Variants in CELF4 observed in about 807,000 individuals in gnomAD.
CELF4 encodes the protein CUGBP Elav-like family member 4.
CELF4 carries 18 observed loss-of-function variants against 59.9 expected under a neutral mutation model. The observed-to-expected ratio is 0.30, with a 90% CI of 0.21 to 0.45. CELF4 has a LOEUF of 0.45. CELF4 is among the 20% of genes least tolerant of loss of function. CELF4 has a pLI of 1.00. For missense variants in CELF4, 456 were observed against 689.0 expected (o/e 0.66, Z 3.79); for synonymous variants, 261 against 267.1 (o/e 0.98, Z 0.22).
chr18:37,494,100 G>C (rs1053243344), intron 1 of CELF4, among the ~76,000 whole-genome samples: 3 of 152,192 alleles, frequency 2.0e-5, no homozygotes, highest in African/African-American at 7.2e-5. Context: ...GGACCTAAGT[G>C]GCTCTGGACA....
chr18:37,290,552 G>C (rs1029666378), intron 3 of CELF4, among the ~76,000 whole-genome samples: 4 of 152,132 alleles, frequency 2.6e-5, no homozygotes, highest in African/African-American at 9.7e-5. Flanking sequence ...GCTTGAGCAG[G>C]AGAAAGTGCC....
chr18:37,552,136 C>T (rs1383503198), intron 1 of CELF4, among the ~76,000 whole-genome samples: 1 of 152,232 alleles, frequency 6.6e-6, no homozygotes, highest in Admixed American at 6.5e-5. Context: ...GTTCCCACAT[C>T]CCCCCTCAAC....
At chr18:37,383,643 C>T (rs934087775) in intron 2 of CELF4, among the ~76,000 whole-genome samples, 1 of 152,200 alleles carries the variant, frequency 6.6e-6, no homozygotes, top group Non-Finnish European at 1.5e-5. Flanking sequence ...GTAAACCACT[C>T]CTTTCTTTTC....
chr18:37,392,919 G>C (rs1233533342), intron 2 of CELF4, among the ~76,000 whole-genome samples: 1 of 152,216 alleles, frequency 6.6e-6, no homozygotes, highest in Non-Finnish European at 1.5e-5. Flanking sequence ...TTTATCGGTA[G>C]ATTATCTCCC....
chr18:37,480,418 A>G (rs1465974809), intron 2 of CELF4, among the ~76,000 whole-genome samples: 1 of 152,246 alleles, frequency 6.6e-6, no homozygotes, highest in Non-Finnish European at 1.5e-5. Context: ...AAGAATTAAC[A>G]GCCTCCATAC....
At chr18:37,320,838 G>T (rs184999263) in intron 3 of CELF4, among the ~76,000 whole-genome samples, 19 of 152,296 alleles carry the variant, frequency 1.2e-4, no homozygotes, top group Admixed American at 1.2e-3. Flanking sequence ...CTACCCTATG[G>T]GGCTGGGGAG....
chr18:37,529,681 A>AT (rs989576263), intron 1 of CELF4, among the ~76,000 whole-genome samples: 4 of 152,136 alleles, frequency 2.6e-5, no homozygotes, highest in African/African-American at 9.7e-5. Context: ...CCAGGGAGGA[A>AT]TTTTTTGAGG....
At chr18:37,400,782 C>T (rs1346154455) in intron 2 of CELF4, among the ~76,000 whole-genome samples, 2 of 152,182 alleles carry the variant, frequency 1.3e-5, no homozygotes, top group Non-Finnish European at 2.9e-5. Flanking sequence ...TGACTGGTGT[C>T]TATTTTACTC....
intron 2 of CELF4, among the ~76,000 whole-genome samples, chr18:37,430,220 G>A (rs1350607255): frequency 2.0e-5 from 3 of 152,202 alleles, no homozygotes; most frequent in Non-Finnish European, 4.4e-5. Context: ...CTTTGCAGCT[G>A]AGCACGGACT....
At chr18:37,535,404 A>C (rs1228830947) in intron 1 of CELF4, among the ~76,000 whole-genome samples, 1 of 152,234 alleles carries the variant, frequency 6.6e-6, no homozygotes, top group Admixed American at 6.5e-5. Flanking sequence ...CCTGTTTCAA[A>C]GAGCAGTGGC....
intron 2 of CELF4, among the ~76,000 whole-genome samples, chr18:37,340,965 G>C (rs2097997091): frequency 6.6e-6 from 1 of 152,190 alleles, no homozygotes; most frequent in African/African-American, 2.4e-5. Flanking sequence ...CCACTGTTCA[G>C]TCCCCAGCCA....
intron 2 of CELF4, among the ~76,000 whole-genome samples, chr18:37,338,596 C>T (rs1429227083): frequency 6.6e-6 from 1 of 152,190 alleles, no homozygotes; most frequent in Non-Finnish European, 1.5e-5. Flanking sequence ...CATGTCATGG[C>T]AGGCCCCTAC....
In CELF4 at chr18:37,437,676, G is replaced by A. The variant is rs534672901; in HGVS notation, c.369+47849C>T. 2.0e-5 allele frequency among the ~76,000 whole-genome samples: 3 copies of A among 152,308 alleles called. No individual in the cohort carries two copies. The East Asian group carries it at 5.8e-4, about 29-fold the overall frequency. ...TGGCGAGGACACATCCAGGCAGGTG[G>A]GCAGAGGAGTTGTCCTGGCTGCCTC... is the stretch of plus-strand genomic sequence containing the variant. On this transcript the variant is annotated intron_variant, in intron 2 of 12. Coordinates refer to ENST00000420428, the MANE Select transcript of CELF4 (RefSeq NM_020180.4).
chr18:37,513,480 C>T (rs1224328586), intron 1 of CELF4, among the ~76,000 whole-genome samples: 1 of 152,164 alleles, frequency 6.6e-6, no homozygotes, highest in African/African-American at 2.4e-5. Flanking sequence ...TTCCTCTGGT[C>T]TGAGCTTTAC....
intron 2 of CELF4, among the ~76,000 whole-genome samples, chr18:37,361,878 C>T (rs1408674020): frequency 6.6e-6 from 1 of 151,986 alleles, no homozygotes. Context: ...CGGGGGATTC[C>T]TTCCCAGCGC....
intron 2 of CELF4, among the ~76,000 whole-genome samples, chr18:37,472,141 C>G (rs2099834993): frequency 6.6e-6 from 1 of 152,200 alleles, no homozygotes; most frequent in South Asian, 2.1e-4. Context: ...TTGTGCAAAC[C>G]ATGAAGACAA....
intron 2 of CELF4, chr18:37,473,964 G>A (rs1010585410): frequency 3.9e-5 from 6 of 152,256 alleles, no homozygotes; most frequent in African/African-American, 1.4e-4. Context: ...GTCTCCTGGA[G>A]AGGGGACCTC....
intron 5 of CELF4, 29 bp from the exon 6 acceptor site, chr18:37,274,483 C>A (rs1472570883): frequency 6.2e-7 from 1 of 1,611,414 alleles, no homozygotes; most frequent in East Asian, 2.2e-5. Flanking sequence ...GTGAGACCCA[C>A]CTGCTCCAGA....
intron 12 of CELF4, among the ~76,000 whole-genome samples, chr18:37,252,407 C>T (rs1014147664): frequency 6.6e-6 from 1 of 151,996 alleles, no homozygotes; most frequent in African/African-American, 2.4e-5. Context: ...AGGGTGACCC[C>T]ACTGAAATGC....
Sources: allele counts gnomAD v4.1 joint callset (sites outside exome capture counted in the v4.1 genomes callset), GRCh38; gene constraint gnomAD v4.1.1; transcripts MANE v1.5; gene names NCBI Gene and HGNC (gene_info 2026-07-23, HGNC 2026-07-21).